TMEM135: variants seen among roughly 807,000 people sequenced by gnomAD.
TMEM135 encodes transmembrane protein 135.
Under a neutral mutation model 60.3 loss-of-function variants are expected in TMEM135, and 30 were observed. The ratio of observed to expected loss-of-function variants is 0.50; its 90% confidence interval spans 0.37 to 0.68. TMEM135 has a LOEUF of 0.68. TMEM135 is among the 30% of genes least tolerant of loss of function. The pLI is 0.00. For missense variants in TMEM135, 468 were observed against 548.8 expected, an observed-to-expected ratio of 0.85 and a Z score of 1.47; for synonymous variants, 190 against 186.7, an observed-to-expected ratio of 1.02 and a Z score of -0.14.
chr11:87,291,910 T>TA (rs1318689088), intron 6 of TMEM135, among the ~76,000 whole-genome samples: 1 of 152,168 alleles, frequency 6.6e-6, no homozygotes, highest in East Asian at 1.9e-4. Context: ...CCAAAGTTCT[T>TA]ACGTTGCCTA....
rs1293200971 is a variant in TMEM135 at position 87,309,514 on chromosome 11, A to G, written c.778A>G (p.Arg260Gly). The G allele has an allele frequency of 6.2e-7, 1 of 1,613,632 alleles. No homozygotes were observed. Among genetic ancestry groups the G allele is most frequent in the Non-Finnish European group, 8.5e-7 (1 of 1,179,728 alleles). Residue 260 changes from arginine (R) to glycine (G), a missense_variant, in exon 10 of 15, where the codon AGA becomes GGA. Transcript: ENST00000305494. ...CISYCIKGFI[R>G]MFSVGYLIQC... ...TCCAAATTTCCTCTAGGGTTTCATC[A>G]GAATGTTTAGCGTGGGGTACTTGAT...
At chr11:87,230,962 T>G (rs1940876721) in intron 5 of TMEM135, among the ~76,000 whole-genome samples, 1 of 152,100 alleles carries the variant, frequency 6.6e-6, no homozygotes, top group Non-Finnish European at 1.5e-5. Context: ...TGGAAGCAAC[T>G]TGATCAAAAA....
intron 6 of TMEM135, among the ~76,000 whole-genome samples, chr11:87,266,063 G>T (rs990550356): frequency 6.6e-6 from 1 of 152,128 alleles, no homozygotes; most frequent in African/African-American, 2.4e-5. Flanking sequence ...TATTTATTTT[G>T]AGGATAAGCC....
intron 5 of TMEM135, among the ~76,000 whole-genome samples, chr11:87,183,135 A>ATTTTTTT (rs772123636): frequency 3.2e-5 from 3 of 92,614 alleles, no homozygotes; most frequent in Admixed American, 1.3e-4. Context: ...GTAATCACTA[A>ATTTTTTT]TTTTTTTTTT....
In TMEM135 at chr11:87,243,001, C is replaced by A. The variant is rs1483195781; in HGVS notation, c.509+6317C>A. On this transcript the variant is annotated intron_variant, in intron 6 of 14. Transcript: ENST00000305494. ...ATGGTTTTAGGTCTAACGTTTAAGT[C>A]TTTAATCCATCTTGAATTAATTTTT... Among the ~76,000 whole-genome samples, 6 of 137,428 alleles carry A rather than the reference C, an allele frequency of 4.4e-5. No individual in the cohort carries two copies. In the South Asian group the frequency reaches 1.0e-3, roughly 23 times the overall value. 90.2% of individuals were successfully genotyped at this position (137,428 alleles called of 152,430 possible).
rs1942828999 is a variant in TMEM135, at chr11:87,321,926, G to A, written c.*593G>A. ...GCAAAGATGGGTCTCATACCATTTGGATAAATGTCGTGGTATCCATGCTTT... is the reference window on the plus strand; with the variant it reads ...GCAAAGATGGGTCTCATACCATTTGAATAAATGTCGTGGTATCCATGCTTT... On this transcript the variant is annotated 3_prime_UTR_variant, in exon 15 of 15. Coordinates refer to ENST00000305494, the MANE Select transcript of TMEM135 (RefSeq NM_022918.4). 1 of 454,240 alleles carries A rather than the reference G, an allele frequency of 2.2e-6. No homozygotes were observed. Among genetic ancestry groups the A allele is most frequent in the Non-Finnish European group, 4.4e-6 (1 of 226,736 alleles). 28.1% of individuals were successfully genotyped at this position (454,240 alleles called of 1,614,324 possible). A position where few individuals can be genotyped will look rare whatever the true frequency, so the allele number is the denominator to read the frequency against.
chr11:87,134,428 A>G (rs1373048016), intron 4 of TMEM135, among the ~76,000 whole-genome samples: 1 of 152,208 alleles, frequency 6.6e-6, no homozygotes, highest in Non-Finnish European at 1.5e-5. Context: ...GGGGTGCACA[A>G]TAAAGCTCAC....
intron 4 of TMEM135, among the ~76,000 whole-genome samples, chr11:87,147,088 G>A (rs953723925): frequency 6.6e-6 from 1 of 152,112 alleles, no homozygotes; most frequent in Non-Finnish European, 1.5e-5. Flanking sequence ...CTGGGAAGCC[G>A]AGACAGGGGG....
At chr11:87,148,094 T>C (rs918512519) in intron 4 of TMEM135, among the ~76,000 whole-genome samples, 1 of 152,194 alleles carries the variant, frequency 6.6e-6, no homozygotes, top group Non-Finnish European at 1.5e-5. Context: ...TAGACAGTTA[T>C]TTCCCTCTGT....
At chr11:87,077,205 C>T (rs1227983225) in intron 3 of TMEM135, among the ~76,000 whole-genome samples, 4 of 152,164 alleles carry the variant, frequency 2.6e-5, no homozygotes, top group Admixed American at 6.5e-5. Flanking sequence ...TATATCATTT[C>T]GAGGAAGTTA....
intron 4 of TMEM135, among the ~76,000 whole-genome samples, chr11:87,129,693 C>G (rs1018342248): frequency 1.3e-5 from 2 of 150,618 alleles, no homozygotes; most frequent in South Asian, 4.2e-4. Context: ...GGCCTGTGCC[C>G]CCACACCTGG....
chr11:87,268,138 C>T (rs1941787193), intron 6 of TMEM135, among the ~76,000 whole-genome samples: 1 of 151,174 alleles, frequency 6.6e-6, no homozygotes, highest in African/African-American at 2.4e-5. Flanking sequence ...CTCTTCCCTT[C>T]CCTCTCCTTT....
At chr11:87,162,203 T>G (rs1938899230) in intron 5 of TMEM135, among the ~76,000 whole-genome samples, 1 of 152,102 alleles carries the variant, frequency 6.6e-6, no homozygotes, top group African/African-American at 2.4e-5. Flanking sequence ...CTTTTATTTT[T>G]TTTTGGAGAG....
At chr11:87,067,961 T>C (rs1024163549) in intron 2 of TMEM135, 140 bp downstream of exon 2, 44 of 1,059,914 alleles carry the variant, frequency 4.2e-5, no homozygotes, top group Non-Finnish European at 5.8e-5. Context: ...TTTATGTCAA[T>C]GAAAGCTTGT....
chr11:87,102,512 A>G (rs1488622405), intron 4 of TMEM135, among the ~76,000 whole-genome samples: 7 of 152,086 alleles, frequency 4.6e-5, no homozygotes, highest in Non-Finnish European at 1.0e-4. Flanking sequence ...TTGGAAGCCA[A>G]TTTGACAGTT....
chr11:87,187,205 G>A (rs1362537296), intron 5 of TMEM135, among the ~76,000 whole-genome samples: 1 of 152,166 alleles, frequency 6.6e-6, no homozygotes, highest in Non-Finnish European at 1.5e-5. Flanking sequence ...TTCCCACAGA[G>A]GGTTAGCTTG....
intron 6 of TMEM135, among the ~76,000 whole-genome samples, chr11:87,247,458 G>T (rs962161135): frequency 1.4e-4 from 21 of 152,232 alleles, no homozygotes; most frequent in African/African-American, 4.3e-4. Context: ...TCCCCCAGAG[G>T]TGGAGCCTAC....
At chr11:87,119,372 C>T (rs762517810) in intron 4 of TMEM135, among the ~76,000 whole-genome samples, 1 of 152,148 alleles carries the variant, frequency 6.6e-6, no homozygotes, top group Non-Finnish European at 1.5e-5. Flanking sequence ...ATATGGTTTG[C>T]AGTTCGTGGC....
intron 7 of TMEM135, among the ~76,000 whole-genome samples, chr11:87,298,800 A>C (rs1178248256): frequency 1.4e-5 from 2 of 140,000 alleles, no homozygotes; most frequent in East Asian, 4.3e-4. Context: ...AAAAAAAAAA[A>C]AAAACAGCCG....
Sources: gnomAD v4.1 joint callset for allele counts (sites outside exome capture counted in the v4.1 genomes callset) on GRCh38, gnomAD v4.1.1 for gene constraint, MANE v1.5 for transcripts, NCBI Gene and HGNC (gene_info 2026-07-23, HGNC 2026-07-21) for gene names.